The following ABTB3 variants were observed in gnomAD, a reference collection of about 807,000 sequenced individuals.
ABTB3 encodes the protein ankyrin repeat- and BTB/POZ domain-containing protein 3.
At chr12:107,496,260 C>T in the ABTB3 span, among the ~76,000 whole-genome samples, 1 of 152,300 alleles carries the variant, frequency 6.6e-6, no homozygotes, top group African/African-American at 2.4e-5. Context: ...TGTCTCCCAG[C>T]ACTCCCACCA....
At chr12:107,374,377 A>T in the ABTB3 span, among the ~76,000 whole-genome samples, 1 of 152,072 alleles carries the variant, frequency 6.6e-6, no homozygotes, top group Non-Finnish European at 1.5e-5. Context: ...CTGCCCTTCG[A>T]GGCTGGGTTT....
the ABTB3 span, among the ~76,000 whole-genome samples, chr12:107,388,498 T>G: frequency 1.3e-5 from 2 of 150,884 alleles, no homozygotes; most frequent in Non-Finnish European, 3.0e-5. Flanking sequence ...CTCCTCATCT[T>G]CTTCTCCCCT....
At chr12:107,581,353 C>G in the ABTB3 span, 1 of 1,275,770 alleles carries the variant, frequency 7.8e-7, no homozygotes, top group East Asian at 3.5e-5. Flanking sequence ...GGGCTCCGGC[C>G]TCGCAGCCTC....
chr12:107,366,423 G>A, the ABTB3 span, among the ~76,000 whole-genome samples: 245 of 151,904 alleles, frequency 1.6e-3, 2 homozygotes, highest in Non-Finnish European at 2.2e-4. Context: ...AGTAAAAAAG[G>A]AAAAAACCTA....
chr12:107,462,104 C>CTCAGT, the ABTB3 span, among the ~76,000 whole-genome samples: 1 of 152,144 alleles, frequency 6.6e-6, no homozygotes, highest in Non-Finnish European at 1.5e-5. Flanking sequence ...TTAGAAATTC[C>CTCAGT]TTAGTAGAAA....
At chr12:107,415,747 C>G in the ABTB3 span, among the ~76,000 whole-genome samples, 2 of 148,128 alleles carry the variant, frequency 1.4e-5, no homozygotes, top group Admixed American at 1.3e-4. Flanking sequence ...AAAACAAAAA[C>G]ACATACTGAG....
At chr12:107,457,325 T>C in the ABTB3 span, among the ~76,000 whole-genome samples, 1 of 152,254 alleles carries the variant, frequency 6.6e-6, no homozygotes, top group Non-Finnish European at 1.5e-5. Context: ...CCACGGCTCA[T>C]TTAAATACAA....
At chr12:107,633,058 C>T in the ABTB3 span, among the ~76,000 whole-genome samples, 1 of 152,162 alleles carries the variant, frequency 6.6e-6, no homozygotes, top group Non-Finnish European at 1.5e-5. Flanking sequence ...CCCAGATAAT[C>T]CAGGATAATC....
chr12:107,393,621 A>G, the ABTB3 span, among the ~76,000 whole-genome samples: 3 of 152,142 alleles, frequency 2.0e-5, no homozygotes, highest in African/African-American at 7.2e-5. Flanking sequence ...GTAGGCTCTC[A>G]GTAAATGTTT....
At chr12:107,321,388 C>G in the ABTB3 span, among the ~76,000 whole-genome samples, 2 of 152,178 alleles carry the variant, frequency 1.3e-5, no homozygotes, top group East Asian at 3.9e-4. Context: ...CCAGCCGAAG[C>G]CTTTGGAAAC....
chr12:107,391,715 C>T, the ABTB3 span, among the ~76,000 whole-genome samples: 1 of 152,180 alleles, frequency 6.6e-6, no homozygotes, highest in African/African-American at 2.4e-5. Context: ...TCCTGAGTGT[C>T]AATTTTGTGA....
the ABTB3 span, among the ~76,000 whole-genome samples, chr12:107,510,871 G>A: frequency 6.6e-6 from 1 of 152,070 alleles, no homozygotes; most frequent in Admixed American, 6.6e-5. Flanking sequence ...GCAGTGAGCC[G>A]ACGTCAGGCC....
the ABTB3 span, among the ~76,000 whole-genome samples, chr12:107,586,142 G>A: frequency 5.3e-5 from 8 of 152,002 alleles, no homozygotes; most frequent in Non-Finnish European, 8.8e-5. Flanking sequence ...TCCTCAGGAC[G>A]TTGCAGGGGC....
chr12:107,328,963 TC>T, the ABTB3 span, among the ~76,000 whole-genome samples: 2 of 152,110 alleles, frequency 1.3e-5, no homozygotes, highest in African/African-American at 2.4e-5. Context: ...GCTTCCCCTC[TC>T]CCTGGCTGCC....
chr12:107,486,277 A>G, the ABTB3 span, among the ~76,000 whole-genome samples: 3 of 152,180 alleles, frequency 2.0e-5, no homozygotes, highest in Non-Finnish European at 4.4e-5. Flanking sequence ...ATAAACCTAT[A>G]TTTGTGTTCC....
At chr12:107,623,820 G>A in the ABTB3 span, among the ~76,000 whole-genome samples, 162 of 152,216 alleles carry the variant, frequency 1.1e-3, 1 homozygote, top group African/African-American at 3.7e-3. Context: ...ATAAATAAAC[G>A]AAACAGAGTC....
chr12:107,347,396 T>C, the ABTB3 span, among the ~76,000 whole-genome samples: 2,374 of 152,248 alleles, frequency 0.016, 75 homozygotes, highest in African/African-American at 0.054. Context: ...CCAAAACATA[T>C]TGGCTTCAAG....
At chr12:107,618,189 GAGA>G in the ABTB3 span, 3 of 1,614,144 alleles carry the variant, frequency 1.9e-6, no homozygotes, top group Non-Finnish European at 2.5e-6. Context: ...CGCCCAGCCA[GAGA>G]AGGAGAAGAG....
At chr12:107,464,816 G>A in the ABTB3 span, among the ~76,000 whole-genome samples, 5 of 152,190 alleles carry the variant, frequency 3.3e-5, no homozygotes, top group African/African-American at 1.2e-4. Context: ...TGCACCCAGG[G>A]GATGTTGGGC....
Sources: gnomAD v4.1 joint callset for allele counts (sites outside exome capture counted in the v4.1 genomes callset) on GRCh38, gnomAD v4.1.1 for gene constraint, MANE v1.5 for transcripts, NCBI Gene and HGNC (gene_info 2026-07-23, HGNC 2026-07-21) for gene names.